DDX19B: variants seen among roughly 807,000 people sequenced by gnomAD.
The protein encoded by DDX19B is DEAD-box helicase 19B, also known as ATP-dependent RNA helicase DDX19B.
In DDX19B, 27 loss-of-function variants were observed where a neutral mutation model predicts 58.1. The observed-to-expected ratio is 0.46, with a 90% CI of 0.34 to 0.64. The LOEUF (loss-of-function observed/expected upper bound fraction) is 0.64, where lower values mean the gene tolerates loss of function less well. Ranked by LOEUF, DDX19B falls within the 30% of genes least tolerant of loss-of-function variation. DDX19B has a pLI of 0.01. For synonymous variants in DDX19B, 187 were observed against 214.4 expected (o/e 0.87, Z 1.12); for missense variants, 399 against 596.5 (o/e 0.67, Z 3.45).
At chr16:70,308,329 C>G (rs1460047186) in intron 1 of DDX19B, among the ~76,000 whole-genome samples, 1 of 152,036 alleles carries the variant, frequency 6.6e-6, no homozygotes, top group East Asian at 1.9e-4. Flanking sequence ...TCTTGGCTCA[C>G]TGCAACCTCC....
chr16:70,317,671 G>T, intron 5 of DDX19B, 83 bp downstream of exon 5: 1 of 1,281,558 alleles, frequency 7.8e-7, no homozygotes, highest in Non-Finnish European at 1.1e-6. Context: ...CAGCAAGGTG[G>T]CTTATGCCTA....
chr16:70,292,229 G>A (rs56694989), upstream of DDX19B, among the ~76,000 whole-genome samples: 3 of 151,852 alleles, frequency 2.0e-5, no homozygotes, highest in African/African-American at 4.8e-5. Context: ...GCATGATCTC[G>A]GCTCATGTCA....
upstream of DDX19B, among the ~76,000 whole-genome samples, chr16:70,295,431 G>A (rs924830961): frequency 7.3e-5 from 11 of 151,504 alleles, no homozygotes; most frequent in South Asian, 2.1e-4. Context: ...ACGCCACCAC[G>A]CCCAGCTACT....
intron 1 of DDX19B, among the ~76,000 whole-genome samples, chr16:70,308,381 G>A (rs1440153018): frequency 1.3e-5 from 2 of 151,192 alleles, no homozygotes; most frequent in Admixed American, 1.3e-4. Flanking sequence ...AGCCTCCTGC[G>A]CCACCACACC....
At position 70,330,099 on chromosome 16, in the gene DDX19B, C is replaced by G. The variant is rs534051026; in HGVS notation, c.1023+31C>G. The G allele has an allele frequency of 3.5e-5, 56 of 1,612,338 alleles. 2 individuals are homozygous for G. In the South Asian group the frequency reaches 5.8e-4, roughly 17 times the overall value. On this transcript the variant is annotated intron_variant, in intron 9 of 11. Coordinates refer to ENST00000288071, the MANE Select transcript of DDX19B (RefSeq NM_007242.7). Reference sequence around the variant, plus strand: ...TAGCAGTGGCAGTGGCAGGCCTGGCCCTTCCCTCTCAGCCAGCTCCCCACA... The same window carrying G: ...TAGCAGTGGCAGTGGCAGGCCTGGCGCTTCCCTCTCAGCCAGCTCCCCACA...
rs2152195491 is a variant in DDX19B, at chr16:70,312,714, T to C, written c.106+57T>C. ...TGTGATTTCCTTCAGTATTTTTGTT[T>C]TGGCATAACAACTGTCTGGAAAAAA... On this transcript the variant is annotated intron_variant, in intron 2 of 11. Coordinates refer to ENST00000288071, the MANE Select transcript of DDX19B (RefSeq NM_007242.7). The C allele has an allele frequency of 7.3e-6, 11 of 1,509,896 alleles. No individual in the cohort carries two copies. The South Asian group carries it at 1.3e-4, about 18-fold the overall frequency. The allele number at this position is 1,509,896 out of a possible 1,614,324, so 93.5% of individuals were successfully genotyped here.
rs952942830 is a variant in DDX19B, at chr16:70,321,790, T to A, written c.390-2795T>A. ...GGCTCACGCCTGTAATCCCAGCCCT[T>A]TGGGAGGCCGAGGCAGGCAGATCAT... On this transcript the variant is annotated intron_variant, in intron 5 of 11. Coordinates refer to ENST00000288071, the MANE Select transcript of DDX19B (RefSeq NM_007242.7). Among the ~76,000 whole-genome samples the A allele has an allele frequency of 2.6e-5, 4 of 152,110 alleles. No homozygotes were observed. In the East Asian group the frequency reaches 7.7e-4, roughly 29 times the overall value.
intron 1 of DDX19B, among the ~76,000 whole-genome samples, chr16:70,301,653 CT>C (rs1961489858): frequency 6.6e-6 from 1 of 151,108 alleles, no homozygotes; most frequent in Non-Finnish European, 1.5e-5. Flanking sequence ...TCTTAATTCC[CT>C]CTTTTCCAGA....
chr16:70,319,402 A>G (rs1011076078), intron 5 of DDX19B, among the ~76,000 whole-genome samples: 1 of 152,134 alleles, frequency 6.6e-6, no homozygotes, highest in African/African-American at 2.4e-5. Flanking sequence ...AGTAGGTCTA[A>G]GTGGGGACTG....
rs1031516717 is a variant in DDX19B, at chr16:70,333,680, G to A, written c.*98G>A. The A allele has an allele frequency of 7.0e-6, 11 of 1,571,740 alleles. No homozygotes were observed. The highest frequency in any genetic ancestry group is 2.2e-5 in the East Asian group (1 of 44,644). ...GCCCCGACATCACCCCAAGGACAACGGCACAAGTAGAGAGAAACTACCTAC... is the reference window on the plus strand; with the variant it reads ...GCCCCGACATCACCCCAAGGACAACAGCACAAGTAGAGAGAAACTACCTAC... On this transcript the variant is annotated 3_prime_UTR_variant, in exon 12 of 12. Coordinates refer to ENST00000288071, the MANE Select transcript of DDX19B (RefSeq NM_007242.7).
intron 2 of DDX19B, among the ~76,000 whole-genome samples, chr16:70,314,273 T>C (rs1270951047): frequency 6.6e-6 from 1 of 152,184 alleles, no homozygotes; most frequent in Admixed American, 6.6e-5. Context: ...GATCACTAAT[T>C]GCTCTAATCT....
At chr16:70,332,019 A>C (rs765960945) in intron 10 of DDX19B, 135 bp downstream of exon 10, 6 of 1,324,628 alleles carry the variant, frequency 4.5e-6, no homozygotes, top group Non-Finnish European at 5.0e-6. Flanking sequence ...ATTCCTTTCT[A>C]GGAGAGACTG....
intron 1 of DDX19B, among the ~76,000 whole-genome samples, chr16:70,307,222 G>A (rs192578265): frequency 2.6e-5 from 4 of 152,088 alleles, no homozygotes; most frequent in East Asian, 1.9e-4. Context: ...TTCAATACTC[G>A]GGTATATATC....
intron 5 of DDX19B, among the ~76,000 whole-genome samples, chr16:70,318,381 C>CA (rs1187438111): frequency 0.05 from 5,912 of 118,422 alleles, 358 homozygotes; most frequent in African/African-American, 0.16. Context: ...CTCAAAAATG[C>CA]AAAAAAAAAA....
intron 5 of DDX19B, among the ~76,000 whole-genome samples, chr16:70,323,484 C>T (rs547851814): frequency 2.0e-5 from 3 of 150,358 alleles, no homozygotes; most frequent in South Asian, 2.1e-4. Context: ...AGTACAGTGG[C>T]GCGATCTCGG....
chr16:70,328,129 G>A (rs988756217), intron 7 of DDX19B, among the ~76,000 whole-genome samples: 38 of 151,628 alleles, frequency 2.5e-4, no homozygotes, highest in African/African-American at 8.0e-4. Flanking sequence ...ACTCCAGCCT[G>A]GGCGACAGAA....
chr16:70,326,361 C>A (rs183392435), intron 7 of DDX19B, among the ~76,000 whole-genome samples: 243 of 152,202 alleles, frequency 1.6e-3, no homozygotes, highest in African/African-American at 5.4e-3. Context: ...CCTGTAGTCC[C>A]AGCTACTTGC....
chr16:70,304,896 A>G (rs1341977393), intron 1 of DDX19B, among the ~76,000 whole-genome samples: 1 of 152,014 alleles, frequency 6.6e-6, no homozygotes, highest in Admixed American at 6.6e-5. Flanking sequence ...TTTTACAGAC[A>G]ATACCCTGTA....
chr16:70,294,687 G>T (rs1260731041), upstream of DDX19B: 3 of 496,984 alleles, frequency 6.0e-6, no homozygotes, highest in African/African-American at 6.0e-5. Flanking sequence ...GCTTGCGCTT[G>T]TCTTTGGCCC....
Sources: gnomAD v4.1 joint callset for allele counts (sites outside exome capture counted in the v4.1 genomes callset) on GRCh38, gnomAD v4.1.1 for gene constraint, MANE v1.5 for transcripts, NCBI Gene and HGNC (gene_info 2026-07-23, HGNC 2026-07-21) for gene names.